Variants in OR52N2 observed in about 807,000 individuals in gnomAD.
OR52N2 encodes the protein olfactory receptor family 52 subfamily N member 2.
For synonymous variants in OR52N2, 129 were observed against 72.0 expected, an observed-to-expected ratio of 1.79 and a Z score of -4.01; for missense variants, 326 against 196.6, an observed-to-expected ratio of 1.66 and a Z score of -3.94.
At chr11:5,814,207 G>A (rs1446336617) in intron 1 of OR52N2, among the ~76,000 whole-genome samples, 1 of 152,090 alleles carries the variant, frequency 6.6e-6, no homozygotes, top group African/African-American at 2.4e-5. Context: ...TGAAAAAGAA[G>A]AAGTAAAATT....
intron 1 of OR52N2, among the ~76,000 whole-genome samples, chr11:5,811,888 G>C (rs891637682): frequency 3.9e-5 from 6 of 152,014 alleles, no homozygotes; most frequent in Non-Finnish European, 7.4e-5. Context: ...AGATATTTTG[G>C]GCAAATATAA....
At chr11:5,809,406 A>G (rs1474648351) in intron 1 of OR52N2, among the ~76,000 whole-genome samples, 1 of 152,164 alleles carries the variant, frequency 6.6e-6, no homozygotes, top group African/African-American at 2.4e-5. Flanking sequence ...TAAATATGGA[A>G]GGGAAGGGGA....
In OR52N2 at chr11:5,820,845, T is replaced by C; in HGVS notation, c.510T>C (p.Tyr170=). 2.6e-6 allele frequency: 2 copies of C among 780,878 alleles called. No individual in the cohort carries two copies. The allele number at this position is 780,878 out of a possible 1,614,324, so 48.4% of individuals were successfully genotyped here. A position where few individuals can be genotyped will look rare whatever the true frequency, so the allele number is the denominator to read the frequency against. Residue 170 remains tyrosine, a synonymous_variant, in exon 2 of 2, where the codon TAT becomes TAC. Transcript: ENST00000317037. Reference sequence around the variant, plus strand: ...CTCTCCTCACCAAGCGCCTGCCCTATTGCCGGGGGAACTTCATCCCCCACA... The same window carrying C: ...CTCTCCTCACCAAGCGCCTGCCCTACTGCCGGGGGAACTTCATCCCCCACA... ...PFTLLTKRLP[Y]CRGNFIPHTY... is the part of the protein sequence containing the mutation.
rs116062102 is a variant in OR52N2 at position 5,816,306 on chromosome 11, T to C, written c.-54-3976T>C. ...TTAATGCCACTGAACTGTATATACC[T>C]GAACATGATTAAGATGGCAAACTTT... On this transcript the variant is annotated intron_variant, in intron 1 of 1. Coordinates refer to ENST00000317037, the MANE Select transcript of OR52N2 (RefSeq NM_001005174.3). Among the ~76,000 whole-genome samples the C allele has an allele frequency of 3.5e-3, 530 of 152,310 alleles. 4 individuals carry two copies. Among genetic ancestry groups the C allele is most frequent in the African/African-American group, 0.012 (500 of 41,556 alleles).
At chr11:5,820,238 A>G in intron 1 of OR52N2, 44 bp from the exon 2 acceptor site, 2 of 696,874 alleles carry the variant, frequency 2.9e-6, no homozygotes, top group Non-Finnish European at 5.2e-6. Context: ...TGTCCAAACC[A>G]GTACCTCTTA....
Position 5,808,973 on chromosome 11 carries a change from A to C in OR52N2, c.-136A>C, listed in dbSNP as rs9630185. 6.6e-6 allele frequency among the ~76,000 whole-genome samples: 1 copy of C among 151,756 alleles called. No homozygotes were observed. Among genetic ancestry groups the C allele is most frequent in the African/African-American group, 2.4e-5 (1 of 41,280 alleles). On this transcript the variant is annotated 5_prime_UTR_variant, in exon 1 of 2. Transcript: ENST00000317037. ...TCCTCCTCGCGTTGCTGAGAGTCCG[A>C]GTTTATTCATCACAATGGGTGGGTC...
In OR52N2 at chr11:5,820,317, T is replaced by C; in HGVS notation, c.-19T>C. 1 of 778,366 alleles carries C rather than the reference T, an allele frequency of 1.3e-6. No homozygotes were observed. Among genetic ancestry groups the C allele is most frequent in the Non-Finnish European group, 2.4e-6 (1 of 417,098 alleles). The allele number at this position is 778,366 out of a possible 1,614,324, so 48.2% of individuals were successfully genotyped here. A position where few individuals can be genotyped will look rare whatever the true frequency, so the allele number is the denominator to read the frequency against. On this transcript the variant is annotated 5_prime_UTR_variant, in exon 2 of 2. Coordinates refer to ENST00000317037, the MANE Select transcript of OR52N2 (RefSeq NM_001005174.3). ...ATGGCTGCTAAAGAGTATAAAATGC[T>C]CTCCTCCTGTCAGCCATCATGTCTG...
At chr11:5,817,959 CA>C (rs1423649302) in intron 1 of OR52N2, among the ~76,000 whole-genome samples, 1 of 152,070 alleles carries the variant, frequency 6.6e-6, no homozygotes, top group Non-Finnish European at 1.5e-5. Context: ...AAAGCATATA[CA>C]ATGTCATGAT....
At chr11:5,817,210 G>A (rs1680263447) in intron 1 of OR52N2, among the ~76,000 whole-genome samples, 2 of 151,974 alleles carry the variant, frequency 1.3e-5, no homozygotes, top group Admixed American at 1.3e-4. Flanking sequence ...TGAGTTTATG[G>A]GAATGTTATG....
chr11:5,820,031 A>AT (rs1846433385), intron 1 of OR52N2, among the ~76,000 whole-genome samples: 2 of 152,222 alleles, frequency 1.3e-5, no homozygotes, highest in African/African-American at 4.8e-5. Context: ...GTAGTACAGT[A>AT]TAAGAGTTGT....
At chr11:5,812,366 G>C (rs1324701768) in intron 1 of OR52N2, among the ~76,000 whole-genome samples, 2 of 150,894 alleles carry the variant, frequency 1.3e-5, no homozygotes, top group African/African-American at 4.9e-5. Context: ...ATGGTGGCGG[G>C]CGCCTATAGT....
At chr11:5,813,791 A>C (rs1285046193) in intron 1 of OR52N2, among the ~76,000 whole-genome samples, 2 of 152,188 alleles carry the variant, frequency 1.3e-5, no homozygotes, top group African/African-American at 4.8e-5. Context: ...TAGTGAACCG[A>C]ATCAACAGCA....
chr11:5,814,083 C>G (rs1356420178), intron 1 of OR52N2, among the ~76,000 whole-genome samples: 1 of 152,146 alleles, frequency 6.6e-6, no homozygotes, highest in Non-Finnish European at 1.5e-5. Flanking sequence ...GAAAGCTTTT[C>G]CTCTGAAATT....
intron 1 of OR52N2, among the ~76,000 whole-genome samples, chr11:5,809,475 A>G (rs1294529325): frequency 6.6e-6 from 1 of 152,200 alleles, no homozygotes; most frequent in Non-Finnish European, 1.5e-5. Context: ...CAATGAGTCC[A>G]GGTAACTACG....
intron 1 of OR52N2, among the ~76,000 whole-genome samples, chr11:5,813,814 C>A (rs1360217018): frequency 6.6e-6 from 1 of 152,130 alleles, no homozygotes; most frequent in African/African-American, 2.4e-5. Context: ...GTAAAAGGAT[C>A]ATTCACCATG....
At chr11:5,820,065 A>G (rs1385722536) in intron 1 of OR52N2, among the ~76,000 whole-genome samples, 1 of 152,200 alleles carries the variant, frequency 6.6e-6, no homozygotes, top group Non-Finnish European at 1.5e-5. Context: ...GTGGTAAGTG[A>G]GGATAGTTAA....
rs1277094767 is a variant in OR52N2, at chr11:5,820,307, T to A, written c.-29T>A. ...GCAGAAAGCAATGGCTGCTAAAGAGTATAAAATGCTCTCCTCCTGTCAGCC... is the reference window on the plus strand; with the variant it reads ...GCAGAAAGCAATGGCTGCTAAAGAGAATAAAATGCTCTCCTCCTGTCAGCC... On this transcript the variant is annotated 5_prime_UTR_variant, in exon 2 of 2. Coordinates refer to ENST00000317037, the MANE Select transcript of OR52N2 (RefSeq NM_001005174.3). The A allele has an allele frequency of 2.6e-6, 2 of 775,120 alleles. No homozygotes were observed. The highest frequency in any genetic ancestry group is 1.7e-5 in the Admixed American group (1 of 58,498). The allele number at this position is 775,120 out of a possible 1,614,324, so 48.0% of individuals were successfully genotyped here. A position where few individuals can be genotyped will look rare whatever the true frequency, so the allele number is the denominator to read the frequency against.
chr11:5,818,939 G>A (rs2134243587), intron 1 of OR52N2, among the ~76,000 whole-genome samples: 1 of 152,290 alleles, frequency 6.6e-6, no homozygotes, highest in African/African-American at 2.4e-5. Flanking sequence ...GTAGTATTCA[G>A]AGATCACGAG....
Position 5,820,977 on chromosome 11 carries a change from C to G in OR52N2, c.642C>G (p.Cys214Trp), listed in dbSNP as rs766554303. The change falls in exon 2 of 2, where the codon TGC becomes TGG. Residue 214 changes from cysteine to tryptophan, a missense_variant. Physicochemically the swap from Cys to Trp is radical, Grantham distance 215. Coordinates refer to ENST00000317037, the MANE Select transcript of OR52N2 (RefSeq NM_001005174.3). Reference protein sequence around the residue: ...VALLIGVFDICCISVSYTMIL... With the variant: ...VALLIGVFDIWCISVSYTMIL... ...TCCTGATTGGTGTGTTTGATATCTG[C>G]TGTATCTCTGTATCTTACACTATGA... 4 of 781,062 alleles carry G rather than the reference C, an allele frequency of 5.1e-6. No individual in the cohort carries two copies. In the East Asian group the frequency reaches 9.7e-5, roughly 19 times the overall value. The allele number at this position is 781,062 out of a possible 1,614,324, so 48.4% of individuals were successfully genotyped here. A position where few individuals can be genotyped will look rare whatever the true frequency, so the allele number is the denominator to read the frequency against.
Sources: gnomAD v4.1 joint callset for allele counts (sites outside exome capture counted in the v4.1 genomes callset) on GRCh38, gnomAD v4.1.1 for gene constraint, MANE v1.5 for transcripts, NCBI Gene and HGNC (gene_info 2026-07-23, HGNC 2026-07-21) for gene names.